The following SMAD3 variants were observed in gnomAD, a reference collection of about 807,000 sequenced individuals.
SMAD3 encodes SMAD family member 3, also known as MAD homolog 3.
SMAD3 carries 12 observed loss-of-function variants against 51.8 expected under a neutral mutation model. The ratio of observed to expected loss-of-function variants is 0.23; its 90% CI spans 0.15 to 0.38. SMAD3 has a LOEUF of 0.38. Among genes scored for constraint, SMAD3 ranks in the 10% least tolerant of loss-of-function variants. The pLI is 1.00. For missense variants in SMAD3, 294 were observed against 565.6 expected, an observed-to-expected ratio of 0.52 and a Z score of 4.87; for synonymous variants, 238 against 227.7, an observed-to-expected ratio of 1.05 and a Z score of -0.41.
intron 5 of SMAD3, among the ~76,000 whole-genome samples, chr15:67,176,462 TGCA>T (rs769190510): frequency 3.0e-4 from 46 of 152,240 alleles, no homozygotes; most frequent in Non-Finnish European, 5.6e-4. Flanking sequence ...CCTTTCGTCT[TGCA>T]GCAGCAGTGC....
chr15:67,141,936 T>C (rs71400358), intron 1 of SMAD3, among the ~76,000 whole-genome samples: 19,129 of 152,128 alleles, frequency 0.13, 1,218 homozygotes, highest in Non-Finnish European at 0.14. Context: ...GCTTCTCTAA[T>C]GCTGTGAGGT....
intron 1 of SMAD3, among the ~76,000 whole-genome samples, chr15:67,156,624 A>C (rs1222475650): frequency 6.6e-6 from 1 of 152,238 alleles, no homozygotes; most frequent in African/African-American, 2.4e-5. Context: ...GAGTCAGTGC[A>C]TCAGTCAGCT....
chr15:67,169,653 G>A (rs1962691305), intron 4 of SMAD3, among the ~76,000 whole-genome samples: 2 of 145,938 alleles, frequency 1.4e-5, no homozygotes, highest in Non-Finnish European at 3.0e-5. Flanking sequence ...TGTAGAGACA[G>A]GGTCTCCCTA....
At chr15:67,161,749 T>TTC (rs972748371) in intron 1 of SMAD3, among the ~76,000 whole-genome samples, 1 of 151,984 alleles carries the variant, frequency 6.6e-6, no homozygotes. Flanking sequence ...AATTTGTGGG[T>TTC]GTTTATGAAG....
rs1960981739 is a variant in SMAD3 at position 67,110,199 on chromosome 15, C to G, written c.206+43839C>G. Among the ~76,000 whole-genome samples the G allele has an allele frequency of 1.3e-5, 2 of 152,092 alleles. 1 individual carries two copies. Among genetic ancestry groups the G allele is most frequent in the South Asian group, 4.1e-4 (2 of 4,822 alleles). ...AGGAATAATTAGGATACTGGCTGTA[C>G]CCTTGGAGTTCTGTGCTGCTTGGGG... On this transcript the variant is annotated intron_variant, in intron 1 of 8. Coordinates refer to ENST00000327367, the MANE Select transcript of SMAD3 (RefSeq NM_005902.4).
At chr15:67,166,724 C>A in intron 3 of SMAD3, 55 bp from the exon 4 acceptor site, 1 of 1,249,174 alleles carries the variant, frequency 8.0e-7, no homozygotes, top group Non-Finnish European at 1.2e-6. Flanking sequence ...CAAAAGGTGT[C>A]TCAGAGCCAA....
Position 67,165,293 on chromosome 15 carries a change from G to T in SMAD3, c.441G>T (p.Pro147=), listed in dbSNP as rs140275295. ...PVLVPRHTEI[P]AEFPPLDDYS... ...TGGTGCCACGCCACACAGAGATCCC[G>T]GCCGAGTTCCCCCCACTGGACGACT... Residue 147 remains proline, a synonymous_variant, in exon 3 of 9, where the codon CCG becomes CCT. Transcript: ENST00000327367. 4 of 1,614,026 alleles carry T rather than the reference G, an allele frequency of 2.5e-6. No homozygotes were observed. The highest frequency in any genetic ancestry group is 3.4e-6 in the Non-Finnish European group (4 of 1,180,030).
chr15:67,134,122 C>T (rs910744026), intron 1 of SMAD3, among the ~76,000 whole-genome samples: 4 of 152,026 alleles, frequency 2.6e-5, no homozygotes, highest in African/African-American at 4.8e-5. Flanking sequence ...TGGTGCTTAC[C>T]GAGTGCCACA....
chr15:67,159,363 G>A lies in SMAD3; in HGVS notation c.207-5532G>A, dbSNP rs112197430. Among the ~76,000 whole-genome samples, 46 of 152,244 alleles carry A rather than the reference G, an allele frequency of 3.0e-4. 1 individual carries two copies. The highest frequency in any genetic ancestry group is 1.0e-3 in the African/African-American group (43 of 41,542). On this transcript the variant is annotated intron_variant, in intron 1 of 8. Coordinates refer to ENST00000327367, the MANE Select transcript of SMAD3 (RefSeq NM_005902.4). ...TGGGATTACAAGTGTGAGCCACCAC[G>A]TCCAGTCAGTGTTTTAGATGAAAAA...
intron 1 of SMAD3, among the ~76,000 whole-genome samples, chr15:67,150,767 T>C (rs1002435327): frequency 4.7e-5 from 7 of 149,240 alleles, no homozygotes; most frequent in Non-Finnish European, 1.0e-4. Flanking sequence ...GAAATTGCAG[T>C]TGTCAGGGGA....
chr15:67,174,130 C>T (rs1041987053), intron 5 of SMAD3, among the ~76,000 whole-genome samples: 1 of 152,200 alleles, frequency 6.6e-6, no homozygotes, highest in African/African-American at 2.4e-5. Flanking sequence ...GTATTGTGGC[C>T]TCTCCTCCAG....
chr15:67,087,753 G>T (rs777139376), intron 1 of SMAD3, among the ~76,000 whole-genome samples: 2 of 152,186 alleles, frequency 1.3e-5, no homozygotes, highest in Non-Finnish European at 2.9e-5. Context: ...GGGGGAGGTG[G>T]CAGAGGCATT....
At chr15:67,130,216 C>T (rs1349845887) in intron 1 of SMAD3, among the ~76,000 whole-genome samples, 1 of 152,184 alleles carries the variant, frequency 6.6e-6, no homozygotes, top group African/African-American at 2.4e-5. Context: ...CTCAGAGAGG[C>T]CCAGCAACTT....
At chr15:67,135,326 C>A (rs542435165) in intron 1 of SMAD3, among the ~76,000 whole-genome samples, 24 of 152,360 alleles carry the variant, frequency 1.6e-4, no homozygotes, top group Non-Finnish European at 2.8e-4. Context: ...CCGGGCCCAG[C>A]CTGCCCCCTT....
chr15:67,182,693 G>C lies in SMAD3; in HGVS notation c.871+1240G>C, dbSNP rs553233629. Among the ~76,000 whole-genome samples the C allele has an allele frequency of 2.2e-4, 34 of 152,152 alleles. 1 individual carries two copies. The South Asian group carries it at 7.1e-3, about 32-fold the overall frequency. On this transcript the variant is annotated intron_variant, in intron 6 of 8. Transcript: ENST00000327367. Reference sequence around the variant, plus strand: ...TAGGAAAGGGACCTGATGTCTAGGGGGTTGGGGAGGGTAGGGAACGGCTCT... The same window carrying C: ...TAGGAAAGGGACCTGATGTCTAGGGCGTTGGGGAGGGTAGGGAACGGCTCT...
At chr15:67,162,600 T>C (rs1042348994) in intron 1 of SMAD3, among the ~76,000 whole-genome samples, 4 of 152,190 alleles carry the variant, frequency 2.6e-5, no homozygotes, top group African/African-American at 9.6e-5. Context: ...TTTGGGGCCC[T>C]GCAGAGTACC....
chr15:67,188,625 C>T (rs1310152749), intron 8 of SMAD3, among the ~76,000 whole-genome samples: 2 of 152,248 alleles, frequency 1.3e-5, no homozygotes, highest in African/African-American at 2.4e-5. Context: ...CCCTGCCAGC[C>T]GCCAGCTCCT....
At position 67,194,073 on chromosome 15, in the gene SMAD3, A is replaced by C. The variant is rs931725333; in HGVS notation, c.*3537A>C. 6 of 233,274 alleles carry C rather than the reference A, an allele frequency of 2.6e-5. No individual in the cohort carries two copies. The highest frequency in any genetic ancestry group is 1.8e-4 in the South Asian group (1 of 5,536). 14.5% of individuals were successfully genotyped at this position (233,274 alleles called of 1,614,324 possible). A position where few individuals can be genotyped will look rare whatever the true frequency, so the allele number is the denominator to read the frequency against. ...ACTGTTCACCAAGGGGGATACCAGC[A>C]GCAAGAGAGTGCACCCGTTTAGCCC... On this transcript the variant is annotated 3_prime_UTR_variant, in exon 9 of 9. Coordinates refer to ENST00000327367, the MANE Select transcript of SMAD3 (RefSeq NM_005902.4).
intron 5 of SMAD3, among the ~76,000 whole-genome samples, chr15:67,178,700 A>G (rs1962971750): frequency 6.6e-6 from 1 of 152,022 alleles, no homozygotes; most frequent in African/African-American, 2.4e-5. Context: ...TTCCAAATCA[A>G]CATAGCTCAC....
Sources: gnomAD v4.1 joint callset for allele counts (sites outside exome capture counted in the v4.1 genomes callset) on GRCh38, gnomAD v4.1.1 for gene constraint, MANE v1.5 for transcripts, NCBI Gene and HGNC (gene_info 2026-07-23, HGNC 2026-07-21) for gene names.